LRRN2: variants seen among roughly 807,000 people sequenced by gnomAD.
The protein encoded by LRRN2 is leucine-rich repeat neuronal protein 2.
A neutral mutation model predicts 35.7 loss-of-function variants in LRRN2; 10 were observed. That is an observed-to-expected ratio of 0.28 (90% CI 0.17 to 0.47). The LOEUF (loss-of-function observed/expected upper bound fraction) is 0.47, where lower values mean the gene tolerates loss of function less well. LRRN2 is among the 20% of genes least tolerant of loss of function. The pLI is 0.99. For synonymous variants in LRRN2, 391 were observed against 409.6 expected, an observed-to-expected ratio of 0.95 and a Z score of 0.55; for missense variants, 731 against 940.3, an observed-to-expected ratio of 0.78 and a Z score of 2.91.
At chr1:204,674,967 ATTG>A (rs1367392130) in intron 1 of LRRN2, among the ~76,000 whole-genome samples, 4 of 152,174 alleles carry the variant, frequency 2.6e-5, no homozygotes, top group Non-Finnish European at 5.9e-5. Context: ...TACACATACA[ATTG>A]TTGTAACGGA....
In LRRN2 at chr1:204,634,155, A is replaced by G. The variant is rs147340593; in HGVS notation, c.-226-13937T>C. On this transcript the variant is annotated intron_variant, in intron 1 of 1. Transcript: ENST00000367177. ...TAATGATTTTTACTGTCTGGGAATA[A>G]AAAAGACAAAAAGCCCACCTATATT... Among the ~76,000 whole-genome samples the G allele has an allele frequency of 3.4e-3, 512 of 152,386 alleles. 1 individual carries two copies. Among genetic ancestry groups the G allele is most frequent in the African/African-American group, 0.012 (487 of 41,592 alleles).
intron 1 of LRRN2, among the ~76,000 whole-genome samples, chr1:204,634,545 G>A (rs1667785977): frequency 1.3e-5 from 2 of 151,888 alleles, no homozygotes; most frequent in South Asian, 4.2e-4. Flanking sequence ...ATCCTTATAA[G>A]AAAAAAAAGC....
intron 1 of LRRN2, among the ~76,000 whole-genome samples, chr1:204,645,738 G>A (rs1668091164): frequency 6.6e-6 from 1 of 152,164 alleles, no homozygotes; most frequent in South Asian, 2.1e-4. Context: ...AATCATGGCA[G>A]AAGGAAAAGC....
rs148256385 is a variant in LRRN2 at position 204,654,596 on chromosome 1, G to C, written c.-227+30724C>G. Among the ~76,000 whole-genome samples, 289 of 152,274 alleles carry C rather than the reference G, an allele frequency of 1.9e-3. 2 individuals are homozygous for C. The highest frequency in any genetic ancestry group is 3.4e-3 in the Middle Eastern group (1 of 294). On this transcript the variant is annotated intron_variant, in intron 1 of 1. Transcript: ENST00000367177. ...AAAAACTCTCCACCAAACTCTCCCT[G>C]GCGGTACTCATAGCATATGTGGCTA...
intron 1 of LRRN2, among the ~76,000 whole-genome samples, chr1:204,681,359 A>G (rs752862196): frequency 1.5e-4 from 23 of 152,200 alleles, no homozygotes; most frequent in Non-Finnish European, 2.5e-4. Flanking sequence ...TATTACTTAC[A>G]TAGCACTTAC....
Position 204,620,206 on chromosome 1 carries a change from A to G in LRRN2, c.-214T>C. 1 of 1,441,144 alleles carries G rather than the reference A, an allele frequency of 6.9e-7. No homozygotes were observed. Among genetic ancestry groups the G allele is most frequent in the Non-Finnish European group, 9.1e-7 (1 of 1,095,828 alleles). The allele number at this position is 1,441,144 out of a possible 1,614,324, so 89.3% of individuals were successfully genotyped here. Reference sequence around the variant, plus strand: ...GCCTGCTCAGTCATTGCCAGGCCCCATCAGGGGCAGCCCTGGAAGAAGAGG... The same window carrying G: ...GCCTGCTCAGTCATTGCCAGGCCCCGTCAGGGGCAGCCCTGGAAGAAGAGG... On this transcript the variant is annotated 5_prime_UTR_variant, in exon 2 of 2. It removes an upstream start codon present in the reference 5' UTR. Transcript: ENST00000367177.
At chr1:204,662,245 A>G (rs1236405277) in intron 1 of LRRN2, among the ~76,000 whole-genome samples, 5 of 152,178 alleles carry the variant, frequency 3.3e-5, no homozygotes, top group Non-Finnish European at 7.4e-5. Context: ...TGGGCAAATG[A>G]TGACTTGAGC....
At chr1:204,652,220 C>T (rs189955331) in intron 1 of LRRN2, among the ~76,000 whole-genome samples, 162 of 150,932 alleles carry the variant, frequency 1.1e-3, no homozygotes, top group African/African-American at 3.6e-3. Flanking sequence ...CCATGGGACC[C>T]TTCCCCCTCC....
At chr1:204,630,346 T>A (rs1014786736) in intron 1 of LRRN2, among the ~76,000 whole-genome samples, 1 of 152,028 alleles carries the variant, frequency 6.6e-6, no homozygotes, top group Non-Finnish European at 1.5e-5. Flanking sequence ...GGGGCTGGGC[T>A]CTGGCGGCTG....
intron 1 of LRRN2, chr1:204,621,460 T>A (rs1666890375): frequency 6.0e-6 from 1 of 167,282 alleles, no homozygotes; most frequent in African/African-American, 2.4e-5. Flanking sequence ...GCTGGCTTTA[T>A]GCTCTTGCAG....
intron 1 of LRRN2, among the ~76,000 whole-genome samples, chr1:204,643,907 C>A (rs1446010322): frequency 2.6e-5 from 4 of 152,030 alleles, no homozygotes; most frequent in East Asian, 1.9e-4. Flanking sequence ...ACCAGTGTGA[C>A]CTTGAACAAA....
intron 1 of LRRN2, among the ~76,000 whole-genome samples, chr1:204,623,896 A>G (rs1020405021): frequency 6.6e-6 from 1 of 152,140 alleles, no homozygotes; most frequent in Admixed American, 6.5e-5. Flanking sequence ...AATCCCCCCA[A>G]CAACCCTGTG....
At position 204,619,523 on chromosome 1, in the gene LRRN2, G is replaced by C; in HGVS notation, c.470C>G (p.Ala157Gly). ...GCTGAGGCCAGAAAAGGCCCTGGGGGCGATGCGGTAGAGCTGGTTGTGGTT... is the reference window on the plus strand; with the variant it reads ...GCTGAGGCCAGAAAAGGCCCTGGGGCCGATGCGGTAGAGCTGGTTGTGGTT... ...YLNHNQLYRI[A>G]PRAFSGLSNL... is the part of the protein sequence containing the mutation. Residue 157 changes from alanine to glycine, a missense_variant, in exon 2 of 2, where the codon GCC (alanine) becomes GGC (glycine). Physicochemically the swap from Ala to Gly is moderately conservative, Grantham distance 60. This residue lies in a region of LRRN2 where 246 missense variants were observed against 289.5 expected (regional missense o/e 0.85). Coordinates refer to ENST00000367177, the MANE Select transcript of LRRN2 (RefSeq NM_201630.2). 1 of 1,614,250 alleles carries C rather than the reference G, an allele frequency of 6.2e-7. No individual in the cohort carries two copies. The highest frequency in any genetic ancestry group is 2.2e-5 in the East Asian group (1 of 44,882).
At chr1:204,664,765 A>G (rs760835605) in intron 1 of LRRN2, among the ~76,000 whole-genome samples, 1 of 152,156 alleles carries the variant, frequency 6.6e-6, no homozygotes, top group East Asian at 1.9e-4. Flanking sequence ...CCACGCTACC[A>G]ACTTCCTTCT....
chr1:204,642,076 C>T (rs74138509), intron 1 of LRRN2, among the ~76,000 whole-genome samples: 83 of 152,312 alleles, frequency 5.4e-4, no homozygotes, highest in African/African-American at 2.0e-3. Context: ...TGGAGGGGAG[C>T]AGATTTGGAG....
chr1:204,632,628 CA>C (rs10719120), intron 1 of LRRN2, among the ~76,000 whole-genome samples: 68,697 of 104,572 alleles, frequency 0.66, 21,300 homozygotes, highest in Middle Eastern at 0.74. Context: ...GACTCTGTCT[CA>C]AAAAAAAAAA....
At chr1:204,628,053 C>G (rs1558405236) in intron 1 of LRRN2, 2 of 152,154 alleles carry the variant, frequency 1.3e-5, no homozygotes, top group Non-Finnish European at 2.9e-5. Flanking sequence ...ATGGGGTGGG[C>G]AGTGTCTGGG....
intron 1 of LRRN2, among the ~76,000 whole-genome samples, chr1:204,657,421 C>T (rs6667578): frequency 0.41 from 61,857 of 151,424 alleles, 13,871 homozygotes; most frequent in Admixed American, 0.51. Context: ...CAAAAAGGAA[C>T]GAAGTAATGG....
chr1:204,660,007 C>G (rs930122699), intron 1 of LRRN2, among the ~76,000 whole-genome samples: 1 of 152,208 alleles, frequency 6.6e-6, no homozygotes, highest in African/African-American at 2.4e-5. Context: ...GATTGGTGAA[C>G]TCCCTGCCAG....
Sources: gnomAD v4.1 joint callset for allele counts (sites outside exome capture counted in the v4.1 genomes callset) on GRCh38, gnomAD v4.1.1 for gene constraint, gnomAD v4.1.1 regional missense constraint, MANE v1.5 for transcripts, NCBI Gene and HGNC (gene_info 2026-07-23, HGNC 2026-07-21) for gene names.